The following SNRPN variants were observed in gnomAD, a reference collection of about 807,000 sequenced individuals.
SNRPN encodes the protein small nuclear ribonucleoprotein-associated protein N.
A neutral mutation model predicts 25.2 loss-of-function variants in SNRPN; 7 were observed. The observed-to-expected ratio is 0.28, with a 90% CI of 0.16 to 0.52. SNRPN has a LOEUF of 0.52. Among genes scored for constraint, SNRPN ranks in the 20% least tolerant of loss-of-function variants. The pLI is 0.96. For missense variants in SNRPN, 196 were observed against 322.5 expected (o/e 0.61, Z 3.00); for synonymous variants, 124 against 110.6 (o/e 1.12, Z -0.76).
Position 24,903,376 on chromosome 15 carries a change from G to C in SNRPN, c.-504-16635G>C, listed in dbSNP as rs202132303. On this transcript the variant is annotated intron_variant, in intron 2 of 11. Transcript: ENST00000400097. Reference sequence around the variant, plus strand: ...TGGTTAACCCAAAGTTTTGGCTTTAGAGAAAGAGTCTATACAGGCAAAAGC... The same window carrying C: ...TGGTTAACCCAAAGTTTTGGCTTTACAGAAAGAGTCTATACAGGCAAAAGC... Among the ~76,000 whole-genome samples, 7 of 152,272 alleles carry C rather than the reference G, an allele frequency of 4.6e-5. No homozygotes were observed. The East Asian group carries it at 1.4e-3, about 29-fold the overall frequency.
intron 1 of SNRPN, among the ~76,000 whole-genome samples, chr15:24,882,213 C>A (rs2056759976): frequency 6.7e-6 from 1 of 149,254 alleles, no homozygotes. Context: ...TAATCTCTAA[C>A]TTTCATTTTT....
intron 1 of SNRPN, 87 bp from the exon 2 acceptor site, chr15:24,962,005 GATTTAAAAATCCATTATATTAA>G (rs1382003134): frequency 1.0e-6 from 1 of 969,074 alleles, no homozygotes; most frequent in East Asian, 2.6e-5. Context: ...GTTTTAATTA[GATTTAAAAATCCATTATATTAA>G]ATGTAGTTCT....
intron 2 of SNRPN, among the ~76,000 whole-genome samples, chr15:24,892,901 G>A (rs1464571865): frequency 6.6e-6 from 1 of 151,486 alleles, no homozygotes; most frequent in Admixed American, 6.6e-5. Context: ...AGAGAACAGA[G>A]AGGACTTAAG....
chr15:24,824,453 T>C (rs1396141968), intron 1 of SNRPN, among the ~76,000 whole-genome samples: 2 of 152,094 alleles, frequency 1.3e-5, no homozygotes, highest in Non-Finnish European at 2.9e-5. Context: ...CTTGCCTTCC[T>C]ACAGAAAATC....
At chr15:24,974,564 A>G (rs1164438887) in intron 4 of SNRPN, 108 bp downstream of exon 4, 8 of 1,010,756 alleles carry the variant, frequency 7.9e-6, no homozygotes, top group Non-Finnish European at 1.3e-5. Flanking sequence ...AAATAAGGAT[A>G]CATCCATGGA....
At position 24,978,501 on chromosome 15, in the gene SNRPN, T is replaced by C; in HGVS notation, c.*57T>C. The stretch of plus-strand genomic sequence containing the variant: ...CCCTGCAATGCGTCTTGTGAAATTG[T>C]GTAGAGTGTTTGTGAGCTTTTTGTT... On this transcript the variant is annotated 3_prime_UTR_variant, in exon 10 of 10. Transcript: ENST00000390687. 1.3e-6 allele frequency: 2 copies of C among 1,499,632 alleles called. No homozygotes were observed. The highest frequency in any genetic ancestry group is 1.9e-6 in the Non-Finnish European group (2 of 1,077,934). The allele number at this position is 1,499,632 out of a possible 1,614,324, so 92.9% of individuals were successfully genotyped here.
chr15:24,978,221 A>G lies in SNRPN; in HGVS notation c.588A>G (p.Arg196=), dbSNP rs761947143. Residue 196 remains arginine (R), a synonymous_variant, in exon 9 of 10, where the codon AGA becomes AGG. Coordinates refer to ENST00000390687, the MANE Select transcript of SNRPN (RefSeq NM_003097.6). ...PGIMAPPPGM[R]PPMGPPIGLP... is the part of the protein sequence containing the mutation. ...TTATGGCTCCTCCACCTGGTATGAG[A>G]CCACCCATGGGCCCACCAATTGGGC... The G allele has an allele frequency of 1.2e-6, 2 of 1,613,892 alleles. No homozygotes were observed. The highest frequency in any genetic ancestry group is 1.7e-5 in the Admixed American group (1 of 59,994).
upstream of SNRPN, among the ~76,000 whole-genome samples, chr15:24,951,209 A>G (rs770385149): frequency 6.2e-4 from 94 of 152,092 alleles, 1 homozygote; most frequent in Non-Finnish European, 2.1e-4. Context: ...TGTAGGTCAT[A>G]TGGTAACTTC....
intron 3 of SNRPN, among the ~76,000 whole-genome samples, chr15:24,934,227 G>A (rs1360992176): frequency 6.6e-6 from 1 of 152,118 alleles, no homozygotes; most frequent in Non-Finnish European, 1.5e-5. Flanking sequence ...GAACCTGGGA[G>A]GCGGAGGTTG....
intron 2 of SNRPN, among the ~76,000 whole-genome samples, chr15:24,964,507 T>C (rs1180070720): frequency 6.6e-6 from 1 of 152,156 alleles, no homozygotes; most frequent in Non-Finnish European, 1.5e-5. Flanking sequence ...TTGGTCAGGC[T>C]GGGCTCGAAC....
At chr15:24,840,915 C>T (rs2051633834) in intron 2 of SNRPN, among the ~76,000 whole-genome samples, 2 of 152,258 alleles carry the variant, frequency 1.3e-5, no homozygotes, top group South Asian at 2.1e-4. Context: ...GATCTTGGCT[C>T]TCTCTAACCT....
chr15:24,942,886 A>G (rs1023897816), intron 3 of SNRPN, among the ~76,000 whole-genome samples: 2 of 152,164 alleles, frequency 1.3e-5, no homozygotes, highest in African/African-American at 4.8e-5. Flanking sequence ...CCCTGCCATC[A>G]TGGCCACTTC....
intron 2 of SNRPN, among the ~76,000 whole-genome samples, chr15:24,891,103 A>T (rs559051002): frequency 5.9e-5 from 9 of 152,036 alleles, no homozygotes; most frequent in African/African-American, 2.2e-4. Context: ...TAGAGATGGG[A>T]TCTTGCTATG....
intron 1 of SNRPN, among the ~76,000 whole-genome samples, chr15:24,955,486 T>C (rs1217564971): frequency 3.3e-5 from 5 of 150,258 alleles, no homozygotes; most frequent in Non-Finnish European, 5.9e-5. Context: ...GGTAGGTATA[T>C]TGGAGTGATT....
rs2060651483 is a variant in SNRPN at position 24,929,468 on chromosome 15, G to A, written c.-391+9344G>A. Among the ~76,000 whole-genome samples the A allele has an allele frequency of 6.6e-6, 1 of 152,114 alleles. No homozygotes were observed. Among genetic ancestry groups the A allele is most frequent in the Non-Finnish European group, 1.5e-5 (1 of 68,028 alleles). The stretch of plus-strand genomic sequence containing the variant: ...TTCAGATAAATGTAAGCAGGCTTCT[G>A]CAGTGAAAGGGGCCAGGTCTAGGAA... On this transcript the variant is annotated intron_variant, in intron 3 of 11. Transcript: ENST00000400097. The surrounding 1 kb of genome is among the most constrained non-coding windows in gnomAD (Gnocchi z 5.3).
chr15:24,830,711 A>G (rs552663585), intron 2 of SNRPN, among the ~76,000 whole-genome samples: 2 of 152,218 alleles, frequency 1.3e-5, no homozygotes, highest in African/African-American at 4.8e-5. Flanking sequence ...AATGAATTAT[A>G]TAATCTCCAC....
intron 6 of SNRPN, 132 bp downstream of exon 6, chr15:24,976,548 T>A: frequency 1.4e-6 from 1 of 721,936 alleles, no homozygotes; most frequent in Non-Finnish European, 2.4e-6. Context: ...GCACTTAATA[T>A]CAATTGTTGG....
intron 2 of SNRPN, among the ~76,000 whole-genome samples, chr15:24,965,851 T>C (rs2075545453): frequency 6.6e-6 from 1 of 151,312 alleles, no homozygotes; most frequent in African/African-American, 2.5e-5. Flanking sequence ...TATCTTACGT[T>C]TCAAGATAAC....
chr15:24,888,969 G>C (rs925248364), intron 2 of SNRPN, among the ~76,000 whole-genome samples: 1 of 151,970 alleles, frequency 6.6e-6, no homozygotes, highest in Non-Finnish European at 1.5e-5. Context: ...CCAGGCTGGA[G>C]TGCTGTGGCA....
Sources: gnomAD v4.1 joint callset for allele counts (sites outside exome capture counted in the v4.1 genomes callset) on GRCh38, gnomAD v4.1.1 for gene constraint, Gnocchi (gnomAD v3.1) non-coding constraint, MANE v1.5 for transcripts, NCBI Gene and HGNC (gene_info 2026-07-23, HGNC 2026-07-21) for gene names.